AXDND1: variants seen among roughly 807,000 people sequenced by gnomAD.
AXDND1 encodes axonemal dynein light chain domain containing 1, also known as axonemal dynein light chain domain-containing protein 1.
AXDND1 carries 110 observed loss-of-function variants against 137.5 expected under a neutral mutation model. That is an observed-to-expected ratio of 0.80 (90% CI 0.69 to 0.94). AXDND1 has a LOEUF of 0.94. AXDND1 is among the 40% of genes least tolerant of loss of function. AXDND1 has a pLI of 0.00. For missense variants in AXDND1, 1,191 were observed against 1,169.8 expected, an observed-to-expected ratio of 1.02 and a Z score of -0.26; for synonymous variants, 414 against 399.7, an observed-to-expected ratio of 1.04 and a Z score of -0.43.
At chr1:179,500,910 G>A (rs921100704) in intron 20 of AXDND1, among the ~76,000 whole-genome samples, 3 of 152,174 alleles carry the variant, frequency 2.0e-5, no homozygotes. Context: ...GGTCTCAAGT[G>A]ATCCACCCGT....
At chr1:179,381,343 ATTTTTTTTT>A in intron 6 of AXDND1, among the ~76,000 whole-genome samples, 1 of 106,210 alleles carries the variant, frequency 9.4e-6, no homozygotes, top group East Asian at 2.7e-4. Flanking sequence ...CACATGGCTG[ATTTTTTTTT>A]TTTTTTTTTG....
intron 4 of AXDND1, among the ~76,000 whole-genome samples, chr1:179,377,324 T>C (rs1185018015): frequency 1.3e-5 from 2 of 152,192 alleles, no homozygotes; most frequent in Non-Finnish European, 2.9e-5. Flanking sequence ...TCACTATTAG[T>C]GTTCTTAGCT....
chr1:179,467,679 T>A (rs1663391562), intron 16 of AXDND1, among the ~76,000 whole-genome samples: 1 of 152,096 alleles, frequency 6.6e-6, no homozygotes, highest in Non-Finnish European at 1.5e-5. Flanking sequence ...TAGCAAATGG[T>A]TTAAAATAAA....
intron 18 of AXDND1, among the ~76,000 whole-genome samples, chr1:179,488,669 TTC>T (rs1411119048): frequency 7.3e-6 from 1 of 137,578 alleles, no homozygotes; most frequent in East Asian, 2.0e-4. Context: ...CTTTCTTTCT[TTC>T]TTTCTTTCTT....
intron 16 of AXDND1, 140 bp from the exon 17 acceptor site, chr1:179,468,303 G>C: frequency 1.7e-6 from 1 of 582,204 alleles, no homozygotes; most frequent in South Asian, 2.5e-5. Flanking sequence ...CTTTTTGTAA[G>C]GTTCTCTGCT....
At chr1:179,396,323 T>G (rs1651055036) in intron 11 of AXDND1, among the ~76,000 whole-genome samples, 1 of 152,102 alleles carries the variant, frequency 6.6e-6, no homozygotes, top group South Asian at 2.1e-4. Flanking sequence ...CTATCCATGT[T>G]TTTATATTTT....
intron 20 of AXDND1, among the ~76,000 whole-genome samples, chr1:179,508,916 G>A (rs1302679023): frequency 6.6e-6 from 1 of 152,136 alleles, no homozygotes; most frequent in South Asian, 2.1e-4. Flanking sequence ...ACAGAGTCTG[G>A]CATATAATTA....
chr1:179,393,755 A>G (rs2125135935), intron 9 of AXDND1, 148 bp from the exon 10 acceptor site: 3 of 508,536 alleles, frequency 5.9e-6, no homozygotes, highest in African/African-American at 2.0e-5. Context: ...CAGCTGTTGT[A>G]AAAGGGATTG....
intron 20 of AXDND1, among the ~76,000 whole-genome samples, chr1:179,507,077 A>G (rs1668610266): frequency 1.3e-5 from 2 of 152,182 alleles, no homozygotes; most frequent in Admixed American, 1.3e-4. Context: ...TAGGCTTAAC[A>G]TTTAGGACTA....
chr1:179,465,689 C>G (rs1663045226), intron 16 of AXDND1, among the ~76,000 whole-genome samples: 1 of 152,228 alleles, frequency 6.6e-6, no homozygotes, highest in Non-Finnish European at 1.5e-5. Flanking sequence ...GTTTCTGCTG[C>G]CTTTTGTTCA....
At chr1:179,377,183 C>G (rs757748402) in intron 4 of AXDND1, among the ~76,000 whole-genome samples, 1 of 152,190 alleles carries the variant, frequency 6.6e-6, no homozygotes, top group Non-Finnish European at 1.5e-5. Flanking sequence ...CTGCCCCCTT[C>G]AGCCTCCCAA....
chr1:179,421,275 G>A (rs1284083015), intron 12 of AXDND1, among the ~76,000 whole-genome samples: 1 of 147,040 alleles, frequency 6.8e-6, no homozygotes, highest in East Asian at 2.0e-4. Flanking sequence ...TGTTCTCTTT[G>A]CACAAGATTG....
rs1659980041 is a variant in AXDND1, at chr1:179,447,970, A to G, written c.1798+2766A>G. The G allele has an allele frequency of 1.6e-5, 22 of 1,400,214 alleles. No individual in the cohort carries two copies. In the South Asian group the frequency reaches 2.4e-4, roughly 15 times the overall value. 86.7% of individuals were successfully genotyped at this position (1,400,214 alleles called of 1,614,324 possible). A position where few individuals can be genotyped will look rare whatever the true frequency, so the allele number is the denominator to read the frequency against. On this transcript the variant is annotated intron_variant, in intron 16 of 25. Coordinates refer to ENST00000367618, the MANE Select transcript of AXDND1 (RefSeq NM_144696.6). ...TGAGCTGGCTGCCAAAGATGGTGACACCAGTGAACTCCCTGGGTTAGTGTA... is the reference window on the plus strand; with the variant it reads ...TGAGCTGGCTGCCAAAGATGGTGACGCCAGTGAACTCCCTGGGTTAGTGTA...
chr1:179,540,734 C>G (rs887560640), intron 25 of AXDND1, among the ~76,000 whole-genome samples: 1 of 152,222 alleles, frequency 6.6e-6, no homozygotes, highest in Non-Finnish European at 1.5e-5. Flanking sequence ...CTGGGAGAAC[C>G]ACTGCTCTCT....
rs552113903 is a variant in AXDND1, at chr1:179,439,789, C to T, written c.1564-5181C>T. On this transcript the variant is annotated intron_variant, in intron 15 of 25. Coordinates refer to ENST00000367618, the MANE Select transcript of AXDND1 (RefSeq NM_144696.6). Reference sequence around the variant, plus strand: ...ACTCAGGCTCAGCTGGCTCATGGCTCGTACCGGAGGGACCGGGCCCATGGT... The same window carrying T: ...ACTCAGGCTCAGCTGGCTCATGGCTTGTACCGGAGGGACCGGGCCCATGGT... Among the ~76,000 whole-genome samples, 10 of 152,284 alleles carry T rather than the reference C, an allele frequency of 6.6e-5. No individual in the cohort carries two copies. In the South Asian group the frequency reaches 8.3e-4, roughly 13 times the overall value.
chr1:179,389,994 C>A (rs1649887451), intron 9 of AXDND1, among the ~76,000 whole-genome samples: 1 of 151,264 alleles, frequency 6.6e-6, no homozygotes, highest in Non-Finnish European at 1.5e-5. Flanking sequence ...GGACCTCAGG[C>A]TTAGGGTGTA....
chr1:179,432,317 T>C lies in AXDND1; in HGVS notation c.1538T>C (p.Leu513Pro). Residue 513 changes from leucine to proline, a missense_variant, in exon 15 of 26, where the codon CTT (leucine) becomes CCT (proline). Transcript: ENST00000367618. ...AAGGGAAATATATTTAATTCAGTTC[T>C]TTTAGACTTCAAACAGTGGCAGAAG... ...PNKGNIFNSV[L>P]LDFKQWQKIL... The C allele has an allele frequency of 6.3e-7, 1 of 1,575,800 alleles. No individual in the cohort carries two copies. The highest frequency in any genetic ancestry group is 8.6e-7 in the Non-Finnish European group (1 of 1,158,356).
chr1:179,517,479 G>A (rs139069494), intron 21 of AXDND1, among the ~76,000 whole-genome samples: 12 of 152,318 alleles, frequency 7.9e-5, no homozygotes, highest in African/African-American at 2.2e-4. Context: ...CACCTCGCCC[G>A]ATTCAAATTG....
intron 11 of AXDND1, among the ~76,000 whole-genome samples, chr1:179,405,624 G>T (rs115402209): frequency 0.044 from 6,672 of 152,136 alleles, 203 homozygotes; most frequent in Admixed American, 0.08. Flanking sequence ...ATGTGTTCAG[G>T]AGTATATCTA....
Sources: allele counts gnomAD v4.1 joint callset (sites outside exome capture counted in the v4.1 genomes callset), GRCh38; gene constraint gnomAD v4.1.1; transcripts MANE v1.5; gene names NCBI Gene and HGNC (gene_info 2026-07-23, HGNC 2026-07-21).